Variants in YWHAZ observed in about 807,000 individuals in gnomAD.
YWHAZ encodes tyrosine 3-monooxygenase/tryptophan 5-monooxygenase activation protein zeta.
For missense variants in YWHAZ, 79 were observed against 284.8 expected (o/e 0.28, Z 5.20); for synonymous variants, 87 against 103.6 (o/e 0.84, Z 0.97).
intron 1 of YWHAZ, among the ~76,000 whole-genome samples, chr8:100,949,278 C>T (rs1810529437): frequency 6.6e-6 from 1 of 152,196 alleles, no homozygotes; most frequent in South Asian, 2.1e-4. Context: ...AGCAGCTTTT[C>T]TTCCTTTAGT....
chr8:100,934,325 T>A (rs1240258007), intron 2 of YWHAZ, among the ~76,000 whole-genome samples: 1 of 115,776 alleles, frequency 8.6e-6, no homozygotes, highest in East Asian at 2.0e-4. Flanking sequence ...GACCCTATCT[T>A]TTTTTTTTTT....
At chr8:100,942,160 G>C (rs1809915368) in intron 2 of YWHAZ, among the ~76,000 whole-genome samples, 1 of 152,132 alleles carries the variant, frequency 6.6e-6, no homozygotes, top group Non-Finnish European at 1.5e-5. Context: ...GTAAACAAAA[G>C]GGCAGGTGTC....
At chr8:100,937,147 T>C (rs554953533) in intron 2 of YWHAZ, among the ~76,000 whole-genome samples, 1 of 152,358 alleles carries the variant, frequency 6.6e-6, no homozygotes, top group Non-Finnish European at 1.5e-5. Flanking sequence ...TGGCAAAATA[T>C]ATGAAAAACT....
chr8:100,952,783 C>T, upstream of YWHAZ: 1 of 999,800 alleles, frequency 1.0e-6, no homozygotes, highest in Non-Finnish European at 1.2e-6. Flanking sequence ...CGCCGCTCCC[C>T]TTCCCCGGCT....
chr8:100,928,172 C>T (rs189559478), intron 2 of YWHAZ, among the ~76,000 whole-genome samples: 2 of 151,630 alleles, frequency 1.3e-5, no homozygotes, highest in Admixed American at 1.3e-4. Context: ...CCCAGCTACT[C>T]GGGAGACTGA....
At chr8:100,921,144 C>T (rs1216435567) in intron 5 of YWHAZ, among the ~76,000 whole-genome samples, 1 of 152,148 alleles carries the variant, frequency 6.6e-6, no homozygotes, top group African/African-American at 2.4e-5. Flanking sequence ...AGCGATTCTC[C>T]TGCCTCAGCC....
At chr8:100,936,249 T>C (rs999119550) in intron 2 of YWHAZ, among the ~76,000 whole-genome samples, 4 of 152,226 alleles carry the variant, frequency 2.6e-5, no homozygotes, top group African/African-American at 9.6e-5. Context: ...AGAGGCAGCT[T>C]ATTTAAAAAG....
rs1374032406 is a variant in YWHAZ, at chr8:100,947,947, GT to G, written c.294+648del. 5.2e-6 allele frequency: 3 copies of G among 579,414 alleles called. No individual in the cohort carries two copies. The African/African-American group carries it at 5.7e-5, about 11-fold the overall frequency. 35.9% of individuals were successfully genotyped at this position (579,414 alleles called of 1,614,324 possible). The stretch of plus-strand genomic sequence containing the variant: ...ACAGATTAAAATTAACCAAAATGTA[GT>G]TTAATTCTTTTAAGCGCAGTGCTTC... On this transcript the variant is annotated intron_variant, in intron 2 of 5. Transcript: ENST00000395958.
At chr8:100,945,576 T>C (rs972810735) in intron 2 of YWHAZ, among the ~76,000 whole-genome samples, 7 of 152,080 alleles carry the variant, frequency 4.6e-5, no homozygotes, top group African/African-American at 1.7e-4. Context: ...TTTTTTATCA[T>C]GTAAGATCTT....
chr8:100,945,287 A>C (rs946022733), intron 2 of YWHAZ, among the ~76,000 whole-genome samples: 2 of 152,244 alleles, frequency 1.3e-5, no homozygotes, highest in African/African-American at 4.8e-5. Flanking sequence ...TTGCTTATTA[A>C]ATGGTTAAAC....
At position 100,948,977 on chromosome 8, in the gene YWHAZ, T is replaced by C; in HGVS notation, c.-11-77A>G. The stretch of plus-strand genomic sequence containing the variant: ...GACTCAAAATTATACCTGTGGTAAA[T>C]GAGTTTTTTAAACCTGAAACCTAAC... On this transcript the variant is annotated intron_variant, in intron 1 of 5. Transcript: ENST00000395958. This position sits in a 1 kb window ranked among gnomAD's most constrained non-coding sequence, Gnocchi z 4.2. The C allele has an allele frequency of 6.8e-7, 1 of 1,480,838 alleles. No individual in the cohort carries two copies. The highest frequency in any genetic ancestry group is 9.0e-7 in the Non-Finnish European group (1 of 1,115,404). The allele number at this position is 1,480,838 out of a possible 1,614,324, so 91.7% of individuals were successfully genotyped here.
intron 2 of YWHAZ, chr8:100,934,936 GAGC>G (rs1028261369): frequency 9.2e-5 from 14 of 151,672 alleles, no homozygotes; most frequent in African/African-American, 3.4e-4. Flanking sequence ...AAATTCTTAG[GAGC>G]AAGTACAATT....
intron 1 of YWHAZ, chr8:100,950,764 G>A (rs954205564): frequency 4.8e-6 from 1 of 210,514 alleles, no homozygotes; most frequent in Non-Finnish European, 8.2e-6. Context: ...GACACACCCC[G>A]CTCTCCCACC....
At chr8:100,953,248 A>G (rs1257627413), upstream of YWHAZ, 1 of 985,306 alleles carries the variant, frequency 1.0e-6, no homozygotes, top group Non-Finnish European at 1.2e-6. Flanking sequence ...AAGACCTCAT[A>G]CTGCACATGA....
rs191269994 is a variant in YWHAZ at position 100,935,847 on chromosome 8, C to A, written c.295-10808G>T. Among the ~76,000 whole-genome samples the A allele has an allele frequency of 3.8e-3, 577 of 152,332 alleles. 3 individuals are homozygous for A. Among genetic ancestry groups the A allele is most frequent in the African/African-American group, 0.013 (560 of 41,578 alleles). On this transcript the variant is annotated intron_variant, in intron 2 of 5. Coordinates refer to ENST00000395958, the MANE Select transcript of YWHAZ (RefSeq NM_145690.3). Reference sequence around the variant, plus strand: ...TTAATCTTCTTGTGTTTCACTACAGCATTAATTTCAAAATCTCCCTTCCAA... The same window carrying A: ...TTAATCTTCTTGTGTTTCACTACAGAATTAATTTCAAAATCTCCCTTCCAA...
chr8:100,952,822 G>A (rs372007080), upstream of YWHAZ: 207 of 1,000,380 alleles, frequency 2.1e-4, 5 homozygotes, highest in South Asian at 8.8e-3. Flanking sequence ...GGCCCCTCCC[G>A]GCCTCCCTCC....
intron 2 of YWHAZ, among the ~76,000 whole-genome samples, chr8:100,947,650 A>G (rs1194182262): frequency 6.6e-6 from 1 of 152,206 alleles, no homozygotes; most frequent in Non-Finnish European, 1.5e-5. Flanking sequence ...ACATTATCCT[A>G]TTGCTCATTA....
Position 100,948,977 on chromosome 8 carries a change from T to G in YWHAZ, c.-11-77A>C, listed in dbSNP as rs1164576088. On this transcript the variant is annotated intron_variant, in intron 1 of 5. Coordinates refer to ENST00000395958, the MANE Select transcript of YWHAZ (RefSeq NM_145690.3). This position sits in a 1 kb window ranked among gnomAD's most constrained non-coding sequence, Gnocchi z 4.2. ...GACTCAAAATTATACCTGTGGTAAA[T>G]GAGTTTTTTAAACCTGAAACCTAAC... is the stretch of plus-strand genomic sequence containing the variant. The G allele has an allele frequency of 6.8e-7, 1 of 1,480,720 alleles. No homozygotes were observed. The highest frequency in any genetic ancestry group is 9.0e-7 in the Non-Finnish European group (1 of 1,115,412). 91.7% of individuals were successfully genotyped at this position (1,480,720 alleles called of 1,614,324 possible). A position where few individuals can be genotyped will look rare whatever the true frequency, so the allele number is the denominator to read the frequency against.
chr8:100,936,513 A>G (rs1201603066), intron 2 of YWHAZ, among the ~76,000 whole-genome samples: 1 of 152,134 alleles, frequency 6.6e-6, no homozygotes, highest in Non-Finnish European at 1.5e-5. Context: ...CCTAAATTTA[A>G]TCATGAAGAA....
Sources: gnomAD v4.1 joint callset for allele counts (sites outside exome capture counted in the v4.1 genomes callset) on GRCh38, gnomAD v4.1.1 for gene constraint, Gnocchi (gnomAD v3.1) non-coding constraint, MANE v1.5 for transcripts, NCBI Gene and HGNC (gene_info 2026-07-23, HGNC 2026-07-21) for gene names.